The following SAMD5 variants were observed in gnomAD, a reference collection of about 807,000 sequenced individuals.
SAMD5 encodes sterile alpha motif domain containing 5.
In SAMD5, 13 loss-of-function variants were observed where a neutral mutation model predicts 11.3. That is an observed-to-expected ratio of 1.15 (90% CI 0.75 to 1.83). The LOEUF is 1.83. SAMD5 is among the 40% of genes most tolerant of loss of function. The probability of loss-of-function intolerance (pLI) is 0.00; values close to 1 mark genes in which losing one functional copy is unlikely to be tolerated. For synonymous variants in SAMD5, 129 were observed against 111.3 expected (o/e 1.16, Z -1.00); for missense variants, 255 against 239.1 (o/e 1.07, Z -0.44).
At chr6:147,795,791 T>C in the SAMD5 span, among the ~76,000 whole-genome samples, 1 of 150,180 alleles carries the variant, frequency 6.7e-6, no homozygotes, top group Non-Finnish European at 1.5e-5. Flanking sequence ...CATTGTGGTT[T>C]TGATTTGCAT....
intron 1 of SAMD5, among the ~76,000 whole-genome samples, chr6:147,549,849 A>G (rs1788741526): frequency 6.6e-6 from 1 of 152,004 alleles, no homozygotes; most frequent in African/African-American, 2.4e-5. Context: ...TGCAGAACAC[A>G]AACAGTTTGC....
chr6:147,701,794 G>T (rs1791257083), intron 1 of SAMD5, among the ~76,000 whole-genome samples: 1 of 152,114 alleles, frequency 6.6e-6, no homozygotes, highest in South Asian at 2.1e-4. Flanking sequence ...CCAAACACAA[G>T]CTGATCATCC....
intron 1 of SAMD5, among the ~76,000 whole-genome samples, chr6:147,644,782 A>C (rs913768791): frequency 6.6e-6 from 1 of 152,222 alleles, no homozygotes; most frequent in Admixed American, 6.5e-5. Context: ...GACAACTTGC[A>C]GTATATGTGT....
intron 1 of SAMD5, among the ~76,000 whole-genome samples, chr6:147,659,766 C>T (rs1209549536): frequency 6.6e-6 from 1 of 152,080 alleles, no homozygotes; most frequent in Admixed American, 6.6e-5. Context: ...ATATTTATAG[C>T]ATTAGGGTGT....
intron 1 of SAMD5, among the ~76,000 whole-genome samples, chr6:147,735,925 C>T (rs1791796858): frequency 6.6e-6 from 1 of 152,148 alleles, no homozygotes; most frequent in Non-Finnish European, 1.5e-5. Flanking sequence ...CCTGCTCTTT[C>T]TCAGTGCAAC....
downstream of SAMD5, among the ~76,000 whole-genome samples, chr6:147,742,225 T>A (rs371255930): frequency 4.6e-5 from 7 of 152,250 alleles, no homozygotes; most frequent in African/African-American, 1.4e-4. Context: ...TTTTGCCCTG[T>A]GCATGTTCAC....
At chr6:147,728,589 G>A (rs1583156215) in intron 1 of SAMD5, among the ~76,000 whole-genome samples, 2 of 152,292 alleles carry the variant, frequency 1.3e-5, no homozygotes, top group East Asian at 1.9e-4. Flanking sequence ...CGGGCTGAGT[G>A]TGCAACCTGG....
intron 1 of SAMD5, among the ~76,000 whole-genome samples, chr6:147,538,135 T>G (rs1788542499): frequency 6.6e-6 from 1 of 152,324 alleles, no homozygotes; most frequent in South Asian, 2.1e-4. Flanking sequence ...ACCCTGTTAT[T>G]TGGACACATG....
In SAMD5 at chr6:147,640,577, G is replaced by A. The variant is rs147280978; in HGVS notation, c.163-96740G>A. On this transcript the variant is annotated intron_variant, in intron 1 of 1. Transcript: ENST00000566741. The stretch of plus-strand genomic sequence containing the variant: ...CTGCAAAATCTAGTCAAGATTCAAG[G>A]AGGAAGCCTTAAGCATGGTTAATGC... Among the ~76,000 whole-genome samples, 58 of 150,204 alleles carry A rather than the reference G, an allele frequency of 3.9e-4. 1 individual carries two copies. In the East Asian group the frequency reaches 9.9e-3, roughly 26 times the overall value.
At chr6:147,542,970 A>T (rs1256361035) in intron 1 of SAMD5, among the ~76,000 whole-genome samples, 1 of 152,232 alleles carries the variant, frequency 6.6e-6, no homozygotes, top group Non-Finnish European at 1.5e-5. Context: ...AGATAAAAGC[A>T]GTTAAGTTAA....
At chr6:147,741,228 A>G (rs1341448686), downstream of SAMD5, among the ~76,000 whole-genome samples, 2 of 152,146 alleles carry the variant, frequency 1.3e-5, no homozygotes, top group Non-Finnish European at 1.5e-5. Context: ...TGAGCTCCCC[A>G]GAGGAAACAT....
At chr6:147,616,523 A>G (rs62434756) in intron 1 of SAMD5, among the ~76,000 whole-genome samples, 14,486 of 152,046 alleles carry the variant, frequency 0.095, 871 homozygotes, top group Middle Eastern at 0.16. Context: ...CACTAGCCAT[A>G]TGATACTTTC....
At chr6:147,661,047 A>C (rs1207299570) in intron 1 of SAMD5, among the ~76,000 whole-genome samples, 1 of 152,170 alleles carries the variant, frequency 6.6e-6, no homozygotes, top group East Asian at 1.9e-4. Flanking sequence ...TGGGATCAGG[A>C]GTATATAAAT....
chr6:147,932,878 G>A, the SAMD5 span, among the ~76,000 whole-genome samples: 141 of 152,188 alleles, frequency 9.3e-4, 1 homozygote, highest in African/African-American at 3.2e-3. Context: ...TTGAACTTCG[G>A]TAAATTGATT....
intron 1 of SAMD5, among the ~76,000 whole-genome samples, chr6:147,576,176 T>A (rs1408508617): frequency 6.6e-6 from 1 of 151,334 alleles, no homozygotes; most frequent in Non-Finnish European, 1.5e-5. Context: ...GTCTTACTCC[T>A]GTTGCACAGG....
intron 1 of SAMD5, among the ~76,000 whole-genome samples, chr6:147,669,834 A>G (rs1482694520): frequency 6.6e-6 from 1 of 152,164 alleles, no homozygotes. Context: ...GAGGATTGGA[A>G]TCAATTTCTT....
At chr6:147,780,495 A>C in the SAMD5 span, among the ~76,000 whole-genome samples, 12 of 152,242 alleles carry the variant, frequency 7.9e-5, no homozygotes, top group African/African-American at 2.9e-4. Flanking sequence ...GGCGTGAGCC[A>C]CTGCACCGGG....
chr6:147,843,382 T>C, the SAMD5 span, among the ~76,000 whole-genome samples: 1 of 152,202 alleles, frequency 6.6e-6, no homozygotes. Flanking sequence ...TGTTCACATA[T>C]TGGAAGAGCT....
chr6:147,930,405 T>G, the SAMD5 span, among the ~76,000 whole-genome samples: 1 of 152,092 alleles, frequency 6.6e-6, no homozygotes, highest in Non-Finnish European at 1.5e-5. Flanking sequence ...CCACTCCTCA[T>G]ACCGATTTTC....
Sources: allele counts gnomAD v4.1 joint callset (sites outside exome capture counted in the v4.1 genomes callset), GRCh38; gene constraint gnomAD v4.1.1; transcripts MANE v1.5; gene names NCBI Gene and HGNC (gene_info 2026-07-23, HGNC 2026-07-21).